MOSPD2: variants seen among roughly 807,000 people sequenced by gnomAD.
The protein encoded by MOSPD2 is motile sperm domain containing 2.
A neutral mutation model predicts 41.7 loss-of-function variants in MOSPD2; 5 were observed. That is an observed-to-expected ratio of 0.12 (90% confidence interval 0.06 to 0.25). The LOEUF (loss-of-function observed/expected upper bound fraction) is 0.25, where lower values mean the gene tolerates loss of function less well. Among genes scored for constraint, MOSPD2 ranks in the 10% least tolerant of loss-of-function variants. The pLI is 1.00. For synonymous variants in MOSPD2, 115 were observed against 126.9 expected, an observed-to-expected ratio of 0.91 and a Z score of 0.63; for missense variants, 282 against 375.2, an observed-to-expected ratio of 0.75 and a Z score of 2.05.
At chrX:14,889,693 G>C (rs990796166) in intron 2 of MOSPD2, among the ~76,000 whole-genome samples, 1 of 110,986 alleles carries the variant, frequency 9.0e-6, no homozygotes, top group African/African-American at 3.3e-5. Flanking sequence ...AGGGGTAAAT[G>C]GTCAACAACT....
At chrX:14,916,434 C>T (rs2092600400) in intron 13 of MOSPD2, 108 bp downstream of exon 13, 1 of 1,110,536 alleles carries the variant, frequency 9.0e-7, no homozygotes, top group Non-Finnish European at 1.2e-6. Context: ...CTGCTGGGTG[C>T]CCTGCAAGGC....
chrX:14,915,724 C>G lies in MOSPD2; in HGVS notation c.1146C>G (p.Asp382Glu). The G allele has an allele frequency of 8.3e-7, 1 of 1,209,201 alleles. No homozygotes were observed. The highest frequency in any genetic ancestry group is 1.1e-6 in the Non-Finnish European group (1 of 893,982). Residue 382 changes from aspartate (D) to glutamate (E), a missense_variant, in exon 12 of 15, where the codon GAC (aspartate) becomes GAG (glutamate). This residue lies in a region of MOSPD2 where 94 missense variants were observed against 102.1 expected (regional missense o/e 0.92). Transcript: ENST00000380492. ...YRVKPSNSSC[D>E]PGASVDIVVS... ...TCAAGCCAAGCAATAGCAGCTGTGA[C>G]CCGGGTGCATCAGTGGATATAGTTG... is the stretch of plus-strand genomic sequence containing the variant.
At chrX:14,887,806 G>C (rs2092544699) in intron 2 of MOSPD2, among the ~76,000 whole-genome samples, 1 of 110,916 alleles carries the variant, frequency 9.0e-6, no homozygotes, top group Non-Finnish European at 1.9e-5. Flanking sequence ...AGCTGAGACA[G>C]GTCATCTTTA....
At chrX:14,881,979 A>G (rs2092532205) in intron 2 of MOSPD2, among the ~76,000 whole-genome samples, 1 of 105,787 alleles carries the variant, frequency 9.5e-6, no homozygotes, top group Non-Finnish European at 1.9e-5. Flanking sequence ...ACTTGGACAC[A>G]GGGTGGGGAA....
chrX:14,910,344 A>G (rs1470401347), intron 8 of MOSPD2, among the ~76,000 whole-genome samples: 2 of 111,386 alleles, frequency 1.8e-5, no homozygotes, highest in Non-Finnish European at 3.8e-5. Flanking sequence ...CACAATGGTC[A>G]CATACCATAT....
chrX:14,885,688 C>T (rs1374898114), intron 2 of MOSPD2, among the ~76,000 whole-genome samples: 2 of 110,668 alleles, frequency 1.8e-5, no homozygotes, highest in African/African-American at 6.6e-5. Flanking sequence ...ACTGCCTAAT[C>T]TAGCAAAGAA....
chrX:14,913,358 A>G (rs2092595003), intron 10 of MOSPD2, among the ~76,000 whole-genome samples: 1 of 111,839 alleles, frequency 8.9e-6, no homozygotes, highest in South Asian at 3.7e-4. Flanking sequence ...AAAGCCAGAC[A>G]GCTTTTCACC....
chrX:14,920,868 G>A lies in MOSPD2; in HGVS notation c.*1059G>A. 1 of 752,523 alleles carries A rather than the reference G, an allele frequency of 1.3e-6. No homozygotes were observed. The highest frequency in any genetic ancestry group is 1.6e-6 in the Non-Finnish European group (1 of 638,334). The allele number at this position is 752,523 out of a possible 1,213,427, so 62.0% of individuals were successfully genotyped here. A position where few individuals can be genotyped will look rare whatever the true frequency, so the allele number is the denominator to read the frequency against. On this transcript the variant is annotated 3_prime_UTR_variant, in exon 15 of 15. Transcript: ENST00000380492. ...TACAAAATACTAGAGTATCTAGAAG[G>A]GTGAAAACAAAAAAAAATAAAAAGA... is the stretch of plus-strand genomic sequence containing the variant.
At chrX:14,902,787 T>C (rs1332637846) in intron 6 of MOSPD2, among the ~76,000 whole-genome samples, 179 bp from the exon 7 acceptor site, 1 of 112,015 alleles carries the variant, frequency 8.9e-6, no homozygotes, top group Non-Finnish European at 1.9e-5. Context: ...ACATGCTAGT[T>C]CAGTTCCAGC....
intron 2 of MOSPD2, among the ~76,000 whole-genome samples, chrX:14,874,764 G>C (rs749033487): frequency 9.0e-6 from 1 of 110,921 alleles, no homozygotes; most frequent in South Asian, 3.7e-4. Context: ...TATGGAAATC[G>C]GTTTCAAATA....
intron 2 of MOSPD2, among the ~76,000 whole-genome samples, chrX:14,888,202 A>ACGCGCG (rs749735833): frequency 2.5e-5 from 1 of 40,744 alleles, no homozygotes. Flanking sequence ...ATATACACAC[A>ACGCGCG]CACGCACACA....
chrX:14,912,596 A>G (rs1042450043), intron 10 of MOSPD2, among the ~76,000 whole-genome samples: 2 of 111,798 alleles, frequency 1.8e-5, no homozygotes, highest in South Asian at 7.3e-4. Context: ...AGATAATAAA[A>G]CTAAATATTT....
chrX:14,900,728 A>G (rs2092571611), intron 6 of MOSPD2, 93 bp downstream of exon 6: 1 of 412,298 alleles, frequency 2.4e-6, no homozygotes, highest in African/African-American at 2.6e-5. Flanking sequence ...ATAGACTTTC[A>G]TACCTGAAAC....
At chrX:14,875,481 G>T (rs2092518372) in intron 2 of MOSPD2, among the ~76,000 whole-genome samples, 1 of 111,657 alleles carries the variant, frequency 9.0e-6, no homozygotes. Context: ...TGCAACCCAG[G>T]ACAAACGTGC....
intron 9 of MOSPD2, among the ~76,000 whole-genome samples, chrX:14,911,892 A>G (rs1406429447): frequency 2.7e-5 from 3 of 112,256 alleles, no homozygotes; most frequent in Non-Finnish European, 5.6e-5. Context: ...GTCTCAAAAT[A>G]AAATAAAGGC....
At chrX:14,901,991 C>T (rs1236053945) in intron 6 of MOSPD2, among the ~76,000 whole-genome samples, 7 of 109,254 alleles carry the variant, frequency 6.4e-5, no homozygotes, top group African/African-American at 2.0e-4. Context: ...TACACACACA[C>T]ATATATATAT....
chrX:14,909,684 A>G (rs1018141344), intron 8 of MOSPD2, among the ~76,000 whole-genome samples: 1 of 111,741 alleles, frequency 8.9e-6, no homozygotes, highest in African/African-American at 3.2e-5. Flanking sequence ...TAACTTCATA[A>G]TGTTTCACTT....
At chrX:14,900,785 T>TA in intron 6 of MOSPD2, 150 bp downstream of exon 6, 1 of 324,511 alleles carries the variant, frequency 3.1e-6, no homozygotes, top group Non-Finnish European at 5.5e-6. Flanking sequence ...GACATTATTG[T>TA]AACACATACA....
At chrX:14,905,396 A>C (rs775954469) in intron 7 of MOSPD2, among the ~76,000 whole-genome samples, 2 of 111,213 alleles carry the variant, frequency 1.8e-5, no homozygotes, top group East Asian at 2.8e-4. Flanking sequence ...CCCCTCCCCC[A>C]CCACCACCAC....
Sources: gnomAD v4.1 joint callset for allele counts (sites outside exome capture counted in the v4.1 genomes callset) on GRCh38, gnomAD v4.1.1 for gene constraint, gnomAD v4.1.1 regional missense constraint, MANE v1.5 for transcripts, NCBI Gene and HGNC (gene_info 2026-07-23, HGNC 2026-07-21) for gene names.